The following LRP1B variants were observed in gnomAD, a reference collection of about 807,000 sequenced individuals.
LRP1B encodes the protein low-density lipoprotein receptor-related protein 1B.
Under a neutral mutation model 556.6 loss-of-function variants are expected in LRP1B, and 217 were observed. The ratio of observed to expected loss-of-function variants is 0.39; its 90% CI spans 0.35 to 0.44. The LOEUF is 0.44. Ranked by LOEUF, LRP1B falls within the 20% of genes least tolerant of loss-of-function variation. The probability of loss-of-function intolerance (pLI) is 1.00; values close to 1 mark genes in which losing one functional copy is unlikely to be tolerated. For missense variants in LRP1B, 5,053 were observed against 5,620.8 expected, an observed-to-expected ratio of 0.90 and a Z score of 3.23; for synonymous variants, 2,047 against 1,865.8, an observed-to-expected ratio of 1.10 and a Z score of -2.50.
At chr2:140,233,886 CT>C (rs1208943944) in intron 90 of LRP1B, among the ~76,000 whole-genome samples, 2 of 151,224 alleles carry the variant, frequency 1.3e-5, no homozygotes, top group Non-Finnish European at 3.0e-5. Context: ...TATTTTTGGA[CT>C]TTTTCAAAGA....
intron 66 of LRP1B, among the ~76,000 whole-genome samples, chr2:140,423,832 G>T (rs1685549076): frequency 6.6e-6 from 1 of 151,918 alleles, no homozygotes; most frequent in South Asian, 2.1e-4. Context: ...CAGAAACCTT[G>T]AGCCACTTAC....
intron 32 of LRP1B, among the ~76,000 whole-genome samples, chr2:140,804,482 T>C (rs1690640138): frequency 6.6e-6 from 1 of 151,998 alleles, no homozygotes; most frequent in Non-Finnish European, 1.5e-5. Context: ...TCTTAGAAAA[T>C]TCATAAAAAG....
chr2:141,407,043 C>T (rs868696286), intron 3 of LRP1B, among the ~76,000 whole-genome samples: 9 of 152,240 alleles, frequency 5.9e-5, no homozygotes, highest in South Asian at 2.1e-4. Flanking sequence ...CAAAGTCCAA[C>T]AAAATTGATT....
chr2:140,569,773 A>G (rs1681255137), intron 43 of LRP1B, among the ~76,000 whole-genome samples: 2 of 151,930 alleles, frequency 1.3e-5, no homozygotes, highest in African/African-American at 4.8e-5. Context: ...GACATTCTCC[A>G]GGATAGACCA....
In LRP1B at chr2:140,259,157, C is replaced by T. The variant is rs114802802; in HGVS notation, c.13247+11085G>A. ...TCTTACACCACTCAAATGCCTGAAG[C>T]ACAGGCTGTATTTCTCCTTGCCTCA... On this transcript the variant is annotated intron_variant, in intron 86 of 90. Transcript: ENST00000389484. 4.1e-3 allele frequency among the ~76,000 whole-genome samples: 617 copies of T among 152,224 alleles called. 4 individuals are homozygous for T. Among genetic ancestry groups the T allele is most frequent in the African/African-American group, 0.014 (569 of 41,560 alleles).
chr2:141,906,272 A>C (rs7570125), intron 1 of LRP1B, among the ~76,000 whole-genome samples: 12,472 of 151,864 alleles, frequency 0.082, 1,714 homozygotes, highest in African/African-American at 0.29. Flanking sequence ...ACAAAAAAAA[A>C]CAAAAACAAT....
intron 7 of LRP1B, among the ~76,000 whole-genome samples, chr2:141,150,019 GC>G (rs1332343906): frequency 1.3e-5 from 2 of 152,144 alleles, no homozygotes; most frequent in Non-Finnish European, 2.9e-5. Context: ...AATAGAATGG[GC>G]ACCAGGAACT....
rs189088766 is a variant in LRP1B, at chr2:142,106,264, G to T, written c.82+24384C>A. On this transcript the variant is annotated intron_variant, in intron 1 of 90. Transcript: ENST00000389484. ...AAAAGAAATAAAGATTGCAAAATTGGATAATTTTTTAAAATCACAAAAGTT... is the reference window on the plus strand; with the variant it reads ...AAAAGAAATAAAGATTGCAAAATTGTATAATTTTTTAAAATCACAAAAGTT... 2.0e-5 allele frequency among the ~76,000 whole-genome samples: 3 copies of T among 152,112 alleles called. No homozygotes were observed. The East Asian group carries it at 5.8e-4, about 29-fold the overall frequency.
intron 1 of LRP1B, among the ~76,000 whole-genome samples, chr2:142,057,149 C>T (rs994032143): frequency 1.3e-5 from 2 of 152,126 alleles, no homozygotes; most frequent in African/African-American, 2.4e-5. Context: ...TTCATTTTGG[C>T]GTTTAACCAA....
chr2:140,541,975 A>G lies in LRP1B; in HGVS notation c.7195-4T>C. 1 of 1,583,402 alleles carries G rather than the reference A, an allele frequency of 6.3e-7. No homozygotes were observed. Among genetic ancestry groups the G allele is most frequent in the Non-Finnish European group, 8.6e-7 (1 of 1,158,998 alleles). The stretch of plus-strand genomic sequence containing the variant: ...CTGGCCCAGATTTAACTATCACCTG[A>G]AATAAATTAAAATACTGTATTTTTA... On this transcript the variant is annotated splice_polypyrimidine_tract_variant and splice_region_variant and intron_variant, in intron 43 of 90. Coordinates refer to ENST00000389484, the MANE Select transcript of LRP1B (RefSeq NM_018557.3).
At chr2:141,956,757 C>A (rs556306267) in intron 1 of LRP1B, among the ~76,000 whole-genome samples, 1 of 152,092 alleles carries the variant, frequency 6.6e-6, no homozygotes, top group East Asian at 1.9e-4. Context: ...GTGCTTTGCA[C>A]ATAGAAGGGA....
At chr2:140,512,698 C>A (rs1689718175) in intron 51 of LRP1B, among the ~76,000 whole-genome samples, 1 of 152,044 alleles carries the variant, frequency 6.6e-6, no homozygotes, top group Non-Finnish European at 1.5e-5. Context: ...AAATCAGAAT[C>A]ACTATGTGCA....
In LRP1B at chr2:141,099,052, A is replaced by G. The variant is rs910607511; in HGVS notation, c.1014-36779T>C. On this transcript the variant is annotated intron_variant, in intron 7 of 90. Transcript: ENST00000389484. ...TTATTTGACTGCAGGTAAAAGCATA[A>G]GTCTAGGGGACATGGAAAATTATAA... Among the ~76,000 whole-genome samples, 78 of 152,342 alleles carry G rather than the reference A, an allele frequency of 5.1e-4. 1 individual carries two copies. The highest frequency in any genetic ancestry group is 1.6e-3 in the African/African-American group (66 of 41,586).
chr2:140,544,114 T>C, intron 43 of LRP1B, among the ~76,000 whole-genome samples: 1 of 151,990 alleles, frequency 6.6e-6, no homozygotes, highest in East Asian at 1.9e-4. Context: ...AATAAAAACA[T>C]TTATATTCCT....
chr2:141,547,463 A>G (rs1012132558), intron 2 of LRP1B, among the ~76,000 whole-genome samples: 7 of 152,120 alleles, frequency 4.6e-5, no homozygotes, highest in Non-Finnish European at 1.5e-5. Context: ...ACTCTTTGAC[A>G]GTCCTGTTGC....
chr2:141,118,737 T>C (rs1319307612), intron 7 of LRP1B, among the ~76,000 whole-genome samples: 1 of 151,974 alleles, frequency 6.6e-6, no homozygotes, highest in Non-Finnish European at 1.5e-5. Flanking sequence ...AGTTATTATC[T>C]TCAATTAAGA....
At chr2:140,379,942 A>G (rs1683400354) in intron 67 of LRP1B, among the ~76,000 whole-genome samples, 2 of 152,130 alleles carry the variant, frequency 1.3e-5, no homozygotes, top group Admixed American at 6.5e-5. Context: ...TTTTGTTTAT[A>G]TAAGGTATTC....
intron 7 of LRP1B, among the ~76,000 whole-genome samples, chr2:141,093,711 G>GA (rs963952487): frequency 3.6e-4 from 53 of 145,950 alleles, no homozygotes; most frequent in African/African-American, 4.8e-4. Flanking sequence ...ATCTGTGACT[G>GA]AAAAAAAAAA....
chr2:140,860,759 T>C (rs1271130809), intron 27 of LRP1B, among the ~76,000 whole-genome samples: 2 of 151,980 alleles, frequency 1.3e-5, no homozygotes, highest in African/African-American at 2.4e-5. Flanking sequence ...GCTGGGTTTA[T>C]GAGAAAATTT....
Sources: allele counts gnomAD v4.1 joint callset (sites outside exome capture counted in the v4.1 genomes callset), GRCh38; gene constraint gnomAD v4.1.1; transcripts MANE v1.5; gene names NCBI Gene and HGNC (gene_info 2026-07-23, HGNC 2026-07-21).